Variants in PTPRD observed in about 807,000 individuals in gnomAD.
PTPRD encodes the protein receptor-type tyrosine-protein phosphatase delta.
PTPRD carries 34 observed loss-of-function variants against 214.5 expected under a neutral mutation model. The ratio of observed to expected loss-of-function variants is 0.16; its 90% confidence interval spans 0.12 to 0.21. The LOEUF (loss-of-function observed/expected upper bound fraction) is 0.21, where lower values mean the gene tolerates loss of function less well. Among genes scored for constraint, PTPRD ranks in the 10% least tolerant of loss-of-function variants. PTPRD has a pLI of 1.00. For synonymous variants in PTPRD, 1,128 were observed against 845.7 expected (o/e 1.33, Z -5.79); for missense variants, 2,545 against 2,398.7 (o/e 1.06, Z -1.27).
intron 11 of PTPRD, among the ~76,000 whole-genome samples, chr9:8,905,053 G>C (rs1587769113): frequency 6.6e-6 from 1 of 152,238 alleles, no homozygotes; most frequent in South Asian, 2.1e-4. Context: ...CAAATGATTA[G>C]AATTATGAGT....
chr9:9,279,942 A>G (rs1451889347), intron 9 of PTPRD, among the ~76,000 whole-genome samples: 2 of 151,306 alleles, frequency 1.3e-5, no homozygotes, highest in Non-Finnish European at 3.0e-5. Flanking sequence ...AAAAACATTT[A>G]TATATTTTTC....
intron 10 of PTPRD, among the ~76,000 whole-genome samples, chr9:9,041,336 G>C (rs2154383691): frequency 6.6e-6 from 1 of 152,174 alleles, no homozygotes; most frequent in Non-Finnish European, 1.5e-5. Context: ...GTACCCATTA[G>C]TTATTTTTCC....
At chr9:8,950,847 C>A (rs1301567494) in intron 11 of PTPRD, among the ~76,000 whole-genome samples, 2 of 151,936 alleles carry the variant, frequency 1.3e-5, no homozygotes, top group Non-Finnish European at 2.9e-5. Context: ...AGACTAGAAC[C>A]TGGGTCTACC....
At chr9:9,161,494 G>T (rs1046133419) in intron 10 of PTPRD, among the ~76,000 whole-genome samples, 2 of 152,070 alleles carry the variant, frequency 1.3e-5, no homozygotes, top group Non-Finnish European at 2.9e-5. Context: ...TCCAAGCCAG[G>T]CAGTTTAGCA....
intron 11 of PTPRD, among the ~76,000 whole-genome samples, chr9:8,864,083 G>T (rs1315065360): frequency 6.6e-6 from 1 of 152,170 alleles, no homozygotes; most frequent in Non-Finnish European, 1.5e-5. Flanking sequence ...GCAAGAATGG[G>T]AAACACAATG....
intron 8 of PTPRD, among the ~76,000 whole-genome samples, chr9:9,447,170 T>C (rs2090704745): frequency 6.6e-6 from 1 of 152,144 alleles, no homozygotes; most frequent in African/African-American, 2.4e-5. Context: ...ACTGAGTATA[T>C]ACCCAAAGGA....
chr9:8,873,420 G>T (rs2098336025), intron 11 of PTPRD, among the ~76,000 whole-genome samples: 1 of 152,080 alleles, frequency 6.6e-6, no homozygotes, highest in Admixed American at 6.6e-5. Flanking sequence ...AGCTCCCCAA[G>T]GGTAGGGATT....
chr9:10,198,932 T>C (rs1193940629), intron 3 of PTPRD, among the ~76,000 whole-genome samples: 1 of 152,116 alleles, frequency 6.6e-6, no homozygotes, highest in African/African-American at 2.4e-5. Context: ...TTCAGAATTG[T>C]CCTTTTAAAC....
At chr9:10,548,513 T>C (rs1254916155) in intron 2 of PTPRD, among the ~76,000 whole-genome samples, 4 of 152,170 alleles carry the variant, frequency 2.6e-5, no homozygotes, top group African/African-American at 7.2e-5. Context: ...AGCTGTTCTG[T>C]GAAAGCCTGG....
At chr9:10,272,818 A>G (rs2094492176) in intron 3 of PTPRD, among the ~76,000 whole-genome samples, 1 of 152,194 alleles carries the variant, frequency 6.6e-6, no homozygotes, top group Non-Finnish European at 1.5e-5. Context: ...ATTCTAATAT[A>G]TGGTTAAGAG....
intron 12 of PTPRD, among the ~76,000 whole-genome samples, chr9:8,641,076 A>G (rs2096566543): frequency 6.7e-6 from 1 of 148,392 alleles, no homozygotes; most frequent in Non-Finnish European, 1.5e-5. Flanking sequence ...CCTTCTCCAT[A>G]TCTCAGTTTA....
chr9:10,205,274 T>C (rs2099464714), intron 3 of PTPRD, among the ~76,000 whole-genome samples: 1 of 152,038 alleles, frequency 6.6e-6, no homozygotes. Context: ...TAAATTTATG[T>C]AACATAAATG....
intron 14 of PTPRD, among the ~76,000 whole-genome samples, chr9:8,606,937 A>C (rs2095246536): frequency 6.6e-6 from 1 of 152,194 alleles, no homozygotes; most frequent in African/African-American, 2.4e-5. Context: ...TCTTAGGTAA[A>C]GAAAACCTTA....
chr9:10,455,464 C>T (rs779729946), intron 2 of PTPRD, among the ~76,000 whole-genome samples: 2 of 151,736 alleles, frequency 1.3e-5, no homozygotes, highest in Non-Finnish European at 3.0e-5. Context: ...GTCATACTTA[C>T]ATGTCCAATG....
chr9:9,154,775 A>G (rs1364293068), intron 10 of PTPRD, among the ~76,000 whole-genome samples: 2 of 152,162 alleles, frequency 1.3e-5, no homozygotes, highest in Non-Finnish European at 2.9e-5. Context: ...TGGTGTAGGC[A>G]ATGAAAATGA....
intron 2 of PTPRD, among the ~76,000 whole-genome samples, chr9:10,558,518 A>C (rs1370928704): frequency 1.3e-5 from 2 of 152,072 alleles, no homozygotes; most frequent in East Asian, 3.9e-4. Context: ...GCTTGAGAAC[A>C]CAGTAGGTGC....
At chr9:9,817,447 CTATT>C (rs1396491609) in intron 5 of PTPRD, among the ~76,000 whole-genome samples, 5 of 152,232 alleles carry the variant, frequency 3.3e-5, no homozygotes, top group African/African-American at 9.6e-5. Flanking sequence ...TACAAGTTAA[CTATT>C]TATTTCCACT....
intron 5 of PTPRD, among the ~76,000 whole-genome samples, chr9:9,921,684 C>G (rs1224425819): frequency 6.7e-6 from 1 of 149,378 alleles, no homozygotes; most frequent in Non-Finnish European, 1.5e-5. Flanking sequence ...AGGTATCAAT[C>G]TCTTTTCCTT....
intron 9 of PTPRD, among the ~76,000 whole-genome samples, chr9:9,250,498 A>T (rs929429587): frequency 1.3e-5 from 2 of 152,110 alleles, no homozygotes; most frequent in East Asian, 1.9e-4. Flanking sequence ...AGCTCTTTAG[A>T]TTTTAACAAA....
Sources: gnomAD v4.1 joint callset for allele counts (sites outside exome capture counted in the v4.1 genomes callset) on GRCh38, gnomAD v4.1.1 for gene constraint, MANE v1.5 for transcripts, NCBI Gene and HGNC (gene_info 2026-07-23, HGNC 2026-07-21) for gene names.